Variants in MICU2 observed in about 807,000 individuals in gnomAD.
MICU2 encodes the protein calcium uptake protein 2, mitochondrial.
MICU2 carries 64 observed loss-of-function variants against 60.4 expected under a neutral mutation model. That is an observed-to-expected ratio of 1.06 (90% confidence interval 0.87 to 1.31). The LOEUF is 1.31. Among genes scored for constraint, MICU2 ranks in the 50% most tolerant of loss-of-function variants. MICU2 has a pLI of 0.00. For synonymous variants in MICU2, 201 were observed against 175.0 expected (o/e 1.15, Z -1.17); for missense variants, 569 against 531.0 (o/e 1.07, Z -0.70).
In MICU2 at chr13:21,510,011, A is replaced by G; in HGVS notation, c.754T>C (p.Phe252Leu). ...GTAAATATTTGCATTTACCTTCGAAATTCTTTATAATGAAGTTTTCTTTGT... is the reference window on the plus strand; with the variant it reads ...GTAAATATTTGCATTTACCTTCGAAGTTCTTTATAATGAAGTTTTCTTTGT... The part of the protein sequence containing the change: ...RGQRKLHYKE[F>L]RRFMENLQTE... Residue 252 changes from phenylalanine (F) to leucine (L), a missense_variant, in exon 8 of 12, where the codon TTT (phenylalanine) becomes CTT (leucine). Phe to Leu is a conservative substitution (Grantham distance 22, BLOSUM62 0). Transcript: ENST00000382374. 1 of 1,526,902 alleles carries G rather than the reference A, an allele frequency of 6.5e-7. No homozygotes were observed. The allele number at this position is 1,526,902 out of a possible 1,614,324, so 94.6% of individuals were successfully genotyped here.
intron 1 of MICU2, among the ~76,000 whole-genome samples, chr13:21,589,767 C>T (rs909503397): frequency 7.1e-5 from 10 of 141,558 alleles, no homozygotes; most frequent in South Asian, 2.4e-4. Context: ...CCATTTTTCC[C>T]ACCAAACCAC....
chr13:21,554,751 A>G (rs1056857500), intron 2 of MICU2, among the ~76,000 whole-genome samples: 2 of 152,166 alleles, frequency 1.3e-5, no homozygotes, highest in African/African-American at 4.8e-5. Context: ...TTTTTTGAAA[A>G]GATCAAGAAA....
Position 21,539,390 on chromosome 13 carries a change from A to T in MICU2, c.391-13T>A, listed in dbSNP as rs1207878748. 6.2e-7 allele frequency: 1 copy of T among 1,606,694 alleles called. No homozygotes were observed. The highest frequency in any genetic ancestry group is 1.1e-5 in the South Asian group (1 of 89,372). On this transcript the variant is annotated splice_polypyrimidine_tract_variant and intron_variant, in intron 3 of 11. Transcript: ENST00000382374. ...TATCCTCGATGTCCTTTGAATACAC[A>T]TATTAAAATTAAACTTCTAAAAGTT...
intron 1 of MICU2, among the ~76,000 whole-genome samples, chr13:21,574,677 T>TATATAC (rs1309834279): frequency 1.3e-5 from 2 of 152,356 alleles, no homozygotes; most frequent in South Asian, 4.1e-4. Context: ...TTTCAATATA[T>TATATAC]ATATACATGG....
Position 21,503,092 on chromosome 13 carries a change from A to G in MICU2, c.767T>C (p.Met256Thr), listed in dbSNP as rs755648270. 1 of 1,588,696 alleles carries G rather than the reference A, an allele frequency of 6.3e-7. No homozygotes were observed. Among genetic ancestry groups the G allele is most frequent in the South Asian group, 1.2e-5 (1 of 86,574 alleles). The change falls in exon 9 of 12, where the codon ATG becomes ACG. Residue 256 changes from methionine to threonine, a missense_variant. Coordinates refer to ENST00000382374, the MANE Select transcript of MICU2 (RefSeq NM_152726.3). ...KLHYKEFRRF[M>T]ENLQTEIQEM... ...TTGAATCTCTGTTTGTAAATTTTCCATAAATCTGAATGTTAAAATACAAAA... is the reference window on the plus strand; with the variant it reads ...TTGAATCTCTGTTTGTAAATTTTCCGTAAATCTGAATGTTAAAATACAAAA...
intron 8 of MICU2, among the ~76,000 whole-genome samples, chr13:21,508,497 CAG>C (rs1474935505): frequency 6.6e-6 from 1 of 152,176 alleles, no homozygotes; most frequent in Non-Finnish European, 1.5e-5. Flanking sequence ...ACTCTGCTGC[CAG>C]AGTGATGGGC....
Position 21,493,497 on chromosome 13 carries a change from A to G in MICU2, c.1201-144T>C, listed in dbSNP as rs1885913500. 5 of 585,046 alleles carry G rather than the reference A, an allele frequency of 8.5e-6. No individual in the cohort carries two copies. The East Asian group carries it at 1.6e-4, about 18-fold the overall frequency. The allele number at this position is 585,046 out of a possible 1,614,324, so 36.2% of individuals were successfully genotyped here. A position where few individuals can be genotyped will look rare whatever the true frequency, so the allele number is the denominator to read the frequency against. ...AATTATGTTGTAAAAGATGATCACA[A>G]CAGAACTGAAAATGGGGGTAAAAGA... On this transcript the variant is annotated intron_variant, in intron 11 of 11. Coordinates refer to ENST00000382374, the MANE Select transcript of MICU2 (RefSeq NM_152726.3).
At chr13:21,530,306 C>A (rs752252228) in intron 4 of MICU2, among the ~76,000 whole-genome samples, 12 of 152,082 alleles carry the variant, frequency 7.9e-5, no homozygotes, top group Non-Finnish European at 1.5e-4. Flanking sequence ...CTTTTAAAGC[C>A]TCCTTCCCTC....
intron 6 of MICU2, among the ~76,000 whole-genome samples, chr13:21,515,168 G>A (rs1011724356): frequency 2.0e-4 from 30 of 150,742 alleles, no homozygotes; most frequent in African/African-American, 5.9e-4. Context: ...TGCAAGCTCC[G>A]CCTCCCGGGT....
intron 1 of MICU2, among the ~76,000 whole-genome samples, chr13:21,571,705 G>GA (rs1188697660): frequency 2.0e-5 from 3 of 151,814 alleles, no homozygotes; most frequent in Non-Finnish European, 2.9e-5. Context: ...CTCAAAAGGG[G>GA]AAAAAAAAGA....
chr13:21,524,812 C>T (rs938158724), intron 4 of MICU2, among the ~76,000 whole-genome samples: 30 of 152,172 alleles, frequency 2.0e-4, no homozygotes, highest in East Asian at 9.6e-4. Flanking sequence ...ACCTCTATTC[C>T]GCTTTCTGTC....
chr13:21,603,078 C>T (rs1485419269), intron 1 of MICU2, among the ~76,000 whole-genome samples: 2 of 151,758 alleles, frequency 1.3e-5, no homozygotes, highest in African/African-American at 4.8e-5. Flanking sequence ...AAGCGGTTCT[C>T]CTACTTCAGC....
chr13:21,522,108 C>T (rs1015413249), intron 5 of MICU2, among the ~76,000 whole-genome samples: 1 of 152,226 alleles, frequency 6.6e-6, no homozygotes. Context: ...AAGAAATTAA[C>T]ATGGCACAGC....
intron 9 of MICU2, among the ~76,000 whole-genome samples, chr13:21,501,417 C>T (rs1374960465): frequency 1.3e-5 from 2 of 152,112 alleles, no homozygotes; most frequent in Non-Finnish European, 2.9e-5. Context: ...CACCTGCCAC[C>T]ATGCCTGGCT....
chr13:21,588,377 G>T (rs1354267789), intron 1 of MICU2, among the ~76,000 whole-genome samples: 1 of 152,198 alleles, frequency 6.6e-6, no homozygotes, highest in African/African-American at 2.4e-5. Context: ...GACCAGGCGT[G>T]GGCTGCATGG....
intron 1 of MICU2, among the ~76,000 whole-genome samples, chr13:21,594,850 A>G (rs958784262): frequency 6.6e-6 from 1 of 152,074 alleles, no homozygotes; most frequent in Admixed American, 6.6e-5. Context: ...GATGCAGAGA[A>G]GGGAACAACA....
chr13:21,565,647 G>T (rs927774014), intron 2 of MICU2, among the ~76,000 whole-genome samples: 6 of 152,258 alleles, frequency 3.9e-5, no homozygotes, highest in Admixed American at 2.0e-4. Context: ...GACAGAGCGA[G>T]ACTCCGTCTC....
chr13:21,499,114 C>T (rs1886078544), intron 9 of MICU2, among the ~76,000 whole-genome samples: 1 of 152,000 alleles, frequency 6.6e-6, no homozygotes, highest in Non-Finnish European at 1.5e-5. Flanking sequence ...CCACGCCCCG[C>T]TAATTTTTGT....
intron 7 of MICU2, among the ~76,000 whole-genome samples, chr13:21,513,567 G>C (rs181307254): frequency 1.3e-5 from 2 of 151,836 alleles, no homozygotes; most frequent in African/African-American, 4.8e-5. Flanking sequence ...GTGAAACCCT[G>C]TCTCTACTAA....
Sources: allele counts gnomAD v4.1 joint callset (sites outside exome capture counted in the v4.1 genomes callset), GRCh38; gene constraint gnomAD v4.1.1; transcripts MANE v1.5; gene names NCBI Gene and HGNC (gene_info 2026-07-23, HGNC 2026-07-21).